The following KCNN3 variants were observed in gnomAD, a reference collection of about 807,000 sequenced individuals.
KCNN3 encodes potassium calcium-activated channel subfamily N member 3.
In KCNN3, 16 loss-of-function variants were observed where a neutral mutation model predicts 62.9. The ratio of observed to expected loss-of-function variants is 0.25; its 90% CI spans 0.17 to 0.39. The LOEUF (loss-of-function observed/expected upper bound fraction) is 0.39, where lower values mean the gene tolerates loss of function less well. Among genes scored for constraint, KCNN3 ranks in the 10% least tolerant of loss-of-function variants. The probability of loss-of-function intolerance (pLI) is 1.00; values close to 1 mark genes in which losing one functional copy is unlikely to be tolerated. For synonymous variants in KCNN3, 370 were observed against 389.2 expected (o/e 0.95, Z 0.58); for missense variants, 599 against 949.4 (o/e 0.63, Z 4.85).
chr1:154,735,609 G>A (rs532512723), intron 3 of KCNN3, among the ~76,000 whole-genome samples: 2 of 152,208 alleles, frequency 1.3e-5, no homozygotes, highest in Admixed American at 6.5e-5. Flanking sequence ...ACAGGCTGGT[G>A]GCTCCCAACT....
At chr1:154,816,940 G>A (rs1650693085) in intron 2 of KCNN3, among the ~76,000 whole-genome samples, 1 of 152,052 alleles carries the variant, frequency 6.6e-6, no homozygotes, top group Non-Finnish European at 1.5e-5. Context: ...CTCTACCCAG[G>A]ACCCTGTCCT....
chr1:154,712,391 A>C (rs1273438453), intron 7 of KCNN3, among the ~76,000 whole-genome samples: 1 of 151,980 alleles, frequency 6.6e-6, no homozygotes, highest in Non-Finnish European at 1.5e-5. Context: ...CCCTCCTCCA[A>C]AGGCACGCGG....
intron 7 of KCNN3, among the ~76,000 whole-genome samples, chr1:154,709,857 T>C (rs939849890): frequency 6.6e-6 from 1 of 152,220 alleles, no homozygotes; most frequent in Non-Finnish European, 1.5e-5. Flanking sequence ...TGATGAGCTC[T>C]GGACTCAGAG....
chr1:154,785,952 A>T (rs762069346), intron 2 of KCNN3, among the ~76,000 whole-genome samples: 5 of 152,136 alleles, frequency 3.3e-5, no homozygotes, highest in Non-Finnish European at 7.4e-5. Flanking sequence ...ATAGCCCCAT[A>T]AGAAAAGTGA....
chr1:154,863,431 C>T (rs1257199055), intron 1 of KCNN3, among the ~76,000 whole-genome samples: 2 of 152,172 alleles, frequency 1.3e-5, no homozygotes, highest in Non-Finnish European at 2.9e-5. Context: ...AAAAGAACTA[C>T]AAATGAATGT....
rs1051614 is a variant in KCNN3 at position 154,772,331 on chromosome 1, C to G, written c.1092G>C (p.Leu364=). ...WRIAMTYERI[L]YISLEMLVCA... is the part of the protein sequence containing the mutation. ...ACACCAGCATCTCCAGGCTGATGTA[C>G]AGGATGCGCTCGTAGGTCATGGCTA... The change falls in exon 3 of 8, where the codon CTG becomes CTC. Residue 364 remains leucine (L), a synonymous_variant. Coordinates refer to ENST00000271915, the MANE Select transcript of KCNN3 (RefSeq NM_002249.6). The surrounding 1 kb of genome is among the most constrained non-coding windows in gnomAD (Gnocchi z 5.6). The G allele has an allele frequency of 0.59, 951,243 of 1,613,672 alleles. 282,116 individuals are homozygous for G. Among genetic ancestry groups the G allele is most frequent in the Middle Eastern group, 0.67 (4,056 of 6,060 alleles).
At chr1:154,785,450 C>T (rs913372719) in intron 2 of KCNN3, among the ~76,000 whole-genome samples, 1 of 152,152 alleles carries the variant, frequency 6.6e-6, no homozygotes, top group Non-Finnish European at 1.5e-5. Flanking sequence ...GGGCCAGCTG[C>T]ACTGTCACCC....
intron 3 of KCNN3, among the ~76,000 whole-genome samples, chr1:154,739,345 C>T (rs970977604): frequency 6.6e-6 from 1 of 152,198 alleles, no homozygotes; most frequent in African/African-American, 2.4e-5. Flanking sequence ...CATCCAGCTC[C>T]AACCTGTGGG....
intron 2 of KCNN3, among the ~76,000 whole-genome samples, chr1:154,775,202 C>G (rs1364774870): frequency 6.6e-6 from 1 of 152,186 alleles, no homozygotes; most frequent in Admixed American, 6.5e-5. Context: ...TGCTGCCTTC[C>G]TTACAGTTCA....
Position 154,704,682 on chromosome 1 carries a change from T to A in KCNN3, c.*3294A>T, listed in dbSNP as rs1040447058. 1.3e-5 allele frequency: 2 copies of A among 152,188 alleles called. No individual in the cohort carries two copies. The highest frequency in any genetic ancestry group is 4.8e-5 in the African/African-American group (2 of 41,438). 9.4% of individuals were successfully genotyped at this position (152,188 alleles called of 1,614,324 possible). A position where few individuals can be genotyped will look rare whatever the true frequency, so the allele number is the denominator to read the frequency against. ...TTGTCAGAAAGATTATAGTAGGGGA[T>A]CTGCCATTGGGTCAGTCCTCTAGGA... is the stretch of plus-strand genomic sequence containing the variant. On this transcript the variant is annotated 3_prime_UTR_variant, in exon 8 of 8. Transcript: ENST00000271915.
chr1:154,856,463 G>A (rs752024119), intron 1 of KCNN3, among the ~76,000 whole-genome samples: 2 of 152,098 alleles, frequency 1.3e-5, no homozygotes, highest in East Asian at 1.9e-4. Flanking sequence ...TGGTGCTCAC[G>A]ACCTTCCCGC....
chr1:154,708,757 G>A (rs554079635), intron 7 of KCNN3, among the ~76,000 whole-genome samples: 32 of 152,104 alleles, frequency 2.1e-4, no homozygotes, highest in African/African-American at 6.3e-4. Context: ...TCTCAATCTC[G>A]GTTGCCTTAT....
At chr1:154,770,085 A>G (rs187808461) in intron 3 of KCNN3, among the ~76,000 whole-genome samples, 1 of 152,340 alleles carries the variant, frequency 6.6e-6, no homozygotes, top group Admixed American at 6.5e-5. Flanking sequence ...TTGGGGGAAG[A>G]GTGTCTGCTT....
rs1418489636 is a variant in KCNN3 at position 154,697,886 on chromosome 1, G to C, written c.*10090C>G. 1 of 151,942 alleles carries C rather than the reference G, an allele frequency of 6.6e-6. No individual in the cohort carries two copies. The highest frequency in any genetic ancestry group is 1.5e-5 in the Non-Finnish European group (1 of 67,994). The allele number at this position is 151,942 out of a possible 1,614,324, so 9.4% of individuals were successfully genotyped here. A position where few individuals can be genotyped will look rare whatever the true frequency, so the allele number is the denominator to read the frequency against. ...AGTCATTTGCTCCTCAGTTTTCTATGGCCCAATTTTCCCATTGGAATAATG... is the reference window on the plus strand; with the variant it reads ...AGTCATTTGCTCCTCAGTTTTCTATCGCCCAATTTTCCCATTGGAATAATG... On this transcript the variant is annotated 3_prime_UTR_variant, in exon 8 of 8. Coordinates refer to ENST00000271915, the MANE Select transcript of KCNN3 (RefSeq NM_002249.6).
intron 3 of KCNN3, among the ~76,000 whole-genome samples, chr1:154,764,224 C>T (rs976865059): frequency 6.6e-6 from 1 of 152,154 alleles, no homozygotes; most frequent in Non-Finnish European, 1.5e-5. Context: ...TTTCTCTGAT[C>T]TTCTTTCATA....
At chr1:154,764,354 T>G (rs777482154) in intron 3 of KCNN3, among the ~76,000 whole-genome samples, 1 of 152,304 alleles carries the variant, frequency 6.6e-6, no homozygotes, top group East Asian at 1.9e-4. Flanking sequence ...CAGGCTGGTG[T>G]TGGAGTCTCA....
intron 2 of KCNN3, among the ~76,000 whole-genome samples, chr1:154,796,346 T>A (rs1649735340): frequency 6.6e-6 from 1 of 152,302 alleles, no homozygotes; most frequent in Non-Finnish European, 1.5e-5. Context: ...CTCTTTGTTA[T>A]TAGTCTGTCT....
chr1:154,740,551 T>C (rs980603243), intron 3 of KCNN3, among the ~76,000 whole-genome samples: 1 of 152,264 alleles, frequency 6.6e-6, no homozygotes, highest in Non-Finnish European at 1.5e-5. Context: ...CATATTTCAC[T>C]TCATTAGGAA....
chr1:154,788,244 C>T (rs1649367097), intron 2 of KCNN3, among the ~76,000 whole-genome samples: 1 of 152,222 alleles, frequency 6.6e-6, no homozygotes, highest in Non-Finnish European at 1.5e-5. Flanking sequence ...CACCTTCACA[C>T]ACCTCTGTAG....
Sources: gnomAD v4.1 joint callset for allele counts (sites outside exome capture counted in the v4.1 genomes callset) on GRCh38, gnomAD v4.1.1 for gene constraint, Gnocchi (gnomAD v3.1) non-coding constraint, MANE v1.5 for transcripts, NCBI Gene and HGNC (gene_info 2026-07-23, HGNC 2026-07-21) for gene names.